Variants in GSG1L observed in about 807,000 individuals in gnomAD.
The protein encoded by GSG1L is germ cell-specific gene 1-like protein.
GSG1L carries 24 observed loss-of-function variants against 42.1 expected under a neutral mutation model. That is an observed-to-expected ratio of 0.57 (90% confidence interval 0.41 to 0.80). The LOEUF is 0.80. GSG1L is among the 30% of genes least tolerant of loss of function. GSG1L has a pLI of 0.00. For synonymous variants in GSG1L, 215 were observed against 203.5 expected, an observed-to-expected ratio of 1.06 and a Z score of -0.48; for missense variants, 445 against 472.2, an observed-to-expected ratio of 0.94 and a Z score of 0.53.
intron 1 of GSG1L, among the ~76,000 whole-genome samples, chr16:27,988,821 G>A (rs1473277301): frequency 4.6e-5 from 7 of 150,888 alleles, no homozygotes; most frequent in Non-Finnish European, 7.4e-5. Context: ...TTGGGAGGCC[G>A]AGGTGGGCGG....
chr16:27,937,428 G>C (rs1234353098), intron 2 of GSG1L, among the ~76,000 whole-genome samples: 1 of 147,328 alleles, frequency 6.8e-6, no homozygotes, highest in East Asian at 2.1e-4. Flanking sequence ...TTTTAGTACA[G>C]ACAGGGTTTC....
chr16:28,059,546 G>A lies in GSG1L; in HGVS notation c.349+3530C>T, dbSNP rs991149971. On this transcript the variant is annotated intron_variant, in intron 1 of 6. Coordinates refer to ENST00000447459, the MANE Select transcript of GSG1L (RefSeq NM_001109763.2). The surrounding 1 kb of genome is among the most constrained non-coding windows in gnomAD (Gnocchi z 4.4). ...AAAAGCATACAGGATGAAGTCCAAC[G>A]CATGTGGACGTCACCTGTGCTCCCA... Among the ~76,000 whole-genome samples the A allele has an allele frequency of 5.4e-5, 8 of 148,016 alleles. No homozygotes were observed. The highest frequency in any genetic ancestry group is 1.2e-4 in the Non-Finnish European group (8 of 67,544).
At chr16:28,049,985 T>C (rs998986810) in intron 1 of GSG1L, among the ~76,000 whole-genome samples, 1 of 152,202 alleles carries the variant, frequency 6.6e-6, no homozygotes, top group Non-Finnish European at 1.5e-5. Context: ...CTCTCTCCAC[T>C]GGAAGGAAGC....
chr16:28,058,718 C>T (rs1249720008), intron 1 of GSG1L, among the ~76,000 whole-genome samples: 1 of 151,624 alleles, frequency 6.6e-6, no homozygotes, highest in Non-Finnish European at 1.5e-5. Context: ...ACATGAAACA[C>T]ATCGAATATG....
chr16:27,888,185 G>A, intron 2 of GSG1L: 2 of 965,064 alleles, frequency 2.1e-6, no homozygotes, highest in Non-Finnish European at 2.5e-6. Context: ...ACACCCCAGG[G>A]GGTGCGTTCA....
At chr16:28,046,503 G>A (rs180947325) in intron 1 of GSG1L, among the ~76,000 whole-genome samples, 12 of 152,028 alleles carry the variant, frequency 7.9e-5, no homozygotes, top group African/African-American at 2.4e-4. Flanking sequence ...ACAGGCGCCC[G>A]CCACCATGCC....
At chr16:27,832,003 C>T (rs1257213237) in intron 4 of GSG1L, among the ~76,000 whole-genome samples, 1 of 152,170 alleles carries the variant, frequency 6.6e-6, no homozygotes, top group Admixed American at 6.5e-5. Flanking sequence ...AATGTCACCC[C>T]TTCCTCAGTG....
chr16:27,845,027 C>T lies in GSG1L; in HGVS notation c.585G>A (p.Thr195=), dbSNP rs147073748. 9.9e-6 allele frequency: 16 copies of T among 1,613,540 alleles called. No homozygotes were observed. The highest frequency in any genetic ancestry group is 4.0e-5 in the African/African-American group (3 of 74,910). Residue 195 remains threonine (T), a synonymous_variant, in exon 4 of 7, where the codon ACG becomes ACA. Coordinates refer to ENST00000447459, the MANE Select transcript of GSG1L (RefSeq NM_001109763.2). ...GGCTCACGGTGACCTGGAACACCTGCGTGTACATCATGTGGGCGACCATTC... is the reference window on the plus strand; with the variant it reads ...GGCTCACGGTGACCTGGAACACCTGTGTGTACATCATGTGGGCGACCATTC... The part of the protein sequence containing the change: ...LLGMVAHMMY[T]QVFQVTVSLG...
chr16:28,034,840 G>A (rs2086014209), intron 1 of GSG1L, among the ~76,000 whole-genome samples: 1 of 152,184 alleles, frequency 6.6e-6, no homozygotes, highest in Non-Finnish European at 1.5e-5. Context: ...TCCAGATATT[G>A]ACAAATGTCC....
chr16:27,858,630 G>C (rs2083607814), intron 3 of GSG1L, among the ~76,000 whole-genome samples: 1 of 152,278 alleles, frequency 6.6e-6, no homozygotes, highest in South Asian at 2.1e-4. Context: ...GTCTTATGAA[G>C]GAAGATGGGA....
chr16:27,864,763 TG>T (rs2083695089), intron 3 of GSG1L, among the ~76,000 whole-genome samples: 1 of 152,220 alleles, frequency 6.6e-6, no homozygotes, highest in South Asian at 2.1e-4. Flanking sequence ...AGGAAAGCTC[TG>T]GACATTGGCC....
At chr16:27,956,009 T>C (rs888421269) in intron 2 of GSG1L, among the ~76,000 whole-genome samples, 1 of 152,068 alleles carries the variant, frequency 6.6e-6, no homozygotes, top group Admixed American at 6.5e-5. Context: ...TTATTATAAT[T>C]AGCCAGTTGT....
intron 1 of GSG1L, among the ~76,000 whole-genome samples, chr16:28,010,789 A>G (rs74015199): frequency 0.011 from 1,614 of 152,318 alleles, 29 homozygotes; most frequent in African/African-American, 0.037. Flanking sequence ...ACTGGTGCCC[A>G]GCAGGAGTGG....
At chr16:27,824,337 C>T (rs890780417) in intron 5 of GSG1L, among the ~76,000 whole-genome samples, 3 of 152,216 alleles carry the variant, frequency 2.0e-5, no homozygotes, top group African/African-American at 7.2e-5. Flanking sequence ...GGAAAACTCA[C>T]TCCAAACCCC....
chr16:27,933,172 A>G (rs1461655885), intron 2 of GSG1L, among the ~76,000 whole-genome samples: 1 of 152,118 alleles, frequency 6.6e-6, no homozygotes, highest in African/African-American at 2.4e-5. Flanking sequence ...GGAATGGAGA[A>G]AAGAATAACC....
chr16:27,874,833 C>A (rs77884126), intron 3 of GSG1L, among the ~76,000 whole-genome samples: 1 of 152,146 alleles, frequency 6.6e-6, no homozygotes, highest in Non-Finnish European at 1.5e-5. Context: ...AGTGAATTAT[C>A]GAAGCCTTGT....
chr16:27,834,591 T>A (rs570341190), intron 4 of GSG1L, among the ~76,000 whole-genome samples: 21 of 152,312 alleles, frequency 1.4e-4, no homozygotes, highest in Non-Finnish European at 2.8e-4. Context: ...TAAACTAAAT[T>A]TCCTTAGTAG....
At chr16:27,916,342 G>A (rs1315754092) in intron 2 of GSG1L, among the ~76,000 whole-genome samples, 1 of 151,764 alleles carries the variant, frequency 6.6e-6, no homozygotes, top group Non-Finnish European at 1.5e-5. Flanking sequence ...TAGAGACAGA[G>A]TCTTGCTGTG....
chr16:28,054,130 G>T (rs2086252583), intron 1 of GSG1L, among the ~76,000 whole-genome samples: 1 of 152,024 alleles, frequency 6.6e-6, no homozygotes, highest in Admixed American at 6.6e-5. Flanking sequence ...CTCCCCCGTG[G>T]CTATCTCTGA....
Sources: gnomAD v4.1 joint callset for allele counts (sites outside exome capture counted in the v4.1 genomes callset) on GRCh38, gnomAD v4.1.1 for gene constraint, Gnocchi (gnomAD v3.1) non-coding constraint, MANE v1.5 for transcripts, NCBI Gene and HGNC (gene_info 2026-07-23, HGNC 2026-07-21) for gene names.